Variants in EYA1 observed in about 807,000 individuals in gnomAD.
The protein encoded by EYA1 is protein phosphatase EYA1.
Under a neutral mutation model 82.0 loss-of-function variants are expected in EYA1, and 16 were observed. The ratio of observed to expected loss-of-function variants is 0.20; its 90% CI spans 0.13 to 0.30. EYA1 has a LOEUF of 0.30. Among genes scored for constraint, EYA1 ranks in the 10% least tolerant of loss-of-function variants. The probability of loss-of-function intolerance (pLI) is 1.00; values close to 1 mark genes in which losing one functional copy is unlikely to be tolerated. For missense variants in EYA1, 633 were observed against 730.7 expected (o/e 0.87, Z 1.54); for synonymous variants, 261 against 264.4 (o/e 0.99, Z 0.12).
intron 11 of EYA1, among the ~76,000 whole-genome samples, chr8:71,269,029 C>G (rs1372579015): frequency 1.3e-5 from 2 of 152,044 alleles, no homozygotes; most frequent in Non-Finnish European, 1.5e-5. Context: ...GAGAAATTAC[C>G]TATAGCTACT....
chr8:71,435,140 T>A (rs1682374240), intron 2 of EYA1, among the ~76,000 whole-genome samples: 3 of 152,160 alleles, frequency 2.0e-5, no homozygotes, highest in Admixed American at 2.0e-4. Context: ...CTGGGAAACC[T>A]TCTTAGATTT....
At chr8:71,510,644 T>C (rs1796273684) in intron 2 of EYA1, among the ~76,000 whole-genome samples, 1 of 152,198 alleles carries the variant, frequency 6.6e-6, no homozygotes, top group South Asian at 2.1e-4. Context: ...AAACCACTCA[T>C]ATGGTTCAAT....
chr8:71,277,904 T>C (rs1293171833), intron 9 of EYA1, among the ~76,000 whole-genome samples: 2 of 152,228 alleles, frequency 1.3e-5, no homozygotes, highest in African/African-American at 4.8e-5. Flanking sequence ...TTAATGTTTA[T>C]ATATTAAGTC....
intron 2 of EYA1, among the ~76,000 whole-genome samples, chr8:71,492,602 C>A (rs1811098023): frequency 6.6e-6 from 1 of 151,816 alleles, no homozygotes; most frequent in Non-Finnish European, 1.5e-5. Context: ...GTAGCTCGGA[C>A]TACAGGCGCC....
At chr8:71,400,307 G>C (rs112927610) in intron 2 of EYA1, among the ~76,000 whole-genome samples, 1 of 152,078 alleles carries the variant, frequency 6.6e-6, no homozygotes, top group Admixed American at 6.6e-5. Context: ...AAATCTAATT[G>C]AACTAAAGAG....
chr8:71,374,730 A>G (rs1463849646), intron 2 of EYA1, among the ~76,000 whole-genome samples: 1 of 152,208 alleles, frequency 6.6e-6, no homozygotes, highest in Non-Finnish European at 1.5e-5. Context: ...CTTTATTCAC[A>G]ATAGCCAAGC....
At chr8:71,318,467 G>C (rs1822169089) in intron 6 of EYA1, among the ~76,000 whole-genome samples, 1 of 152,110 alleles carries the variant, frequency 6.6e-6, no homozygotes, top group African/African-American at 2.4e-5. Context: ...TAAAAATGAT[G>C]TATCTGTGGC....
At chr8:71,268,718 A>C (rs1024173950) in intron 11 of EYA1, among the ~76,000 whole-genome samples, 1 of 152,228 alleles carries the variant, frequency 6.6e-6, no homozygotes, top group African/African-American at 2.4e-5. Context: ...CTTTGAGATG[A>C]TGAAAAGGAA....
At position 71,251,337 on chromosome 8, in the gene EYA1, T is replaced by C. The variant is rs1586004865; in HGVS notation, c.1051-6645A>G. Reference sequence around the variant, plus strand: ...GAAGAAATTGTACATTTACTATAGTTCTTATGTACAGGAAATTCTTCTAGT... The same window carrying C: ...GAAGAAATTGTACATTTACTATAGTCCTTATGTACAGGAAATTCTTCTAGT... On this transcript the variant is annotated intron_variant, in intron 11 of 17. Coordinates refer to ENST00000340726, the MANE Select transcript of EYA1 (RefSeq NM_000503.6). Among the ~76,000 whole-genome samples the C allele has an allele frequency of 2.6e-5, 4 of 152,352 alleles. No homozygotes were observed. The South Asian group carries it at 6.2e-4, about 24-fold the overall frequency.
At chr8:71,279,903 T>A (rs1384377778) in intron 9 of EYA1, among the ~76,000 whole-genome samples, 1 of 152,218 alleles carries the variant, frequency 6.6e-6, no homozygotes, top group Non-Finnish European at 1.5e-5. Flanking sequence ...AAATTTTTCC[T>A]GTCAAGAGTC....
chr8:71,227,567 T>C (rs868070269), intron 12 of EYA1, among the ~76,000 whole-genome samples: 2 of 152,208 alleles, frequency 1.3e-5, no homozygotes, highest in Non-Finnish European at 2.9e-5. Flanking sequence ...CGCATACCAA[T>C]TTATTCACAA....
chr8:71,344,401 T>C (rs1490764345), intron 3 of EYA1, among the ~76,000 whole-genome samples: 1 of 152,218 alleles, frequency 6.6e-6, no homozygotes, highest in Non-Finnish European at 1.5e-5. Flanking sequence ...CTGTAGTTTA[T>C]ATTTATTGAG....
chr8:71,254,148 A>G (rs1327540738), intron 11 of EYA1, among the ~76,000 whole-genome samples: 1 of 150,136 alleles, frequency 6.7e-6, no homozygotes, highest in Non-Finnish European at 1.5e-5. Flanking sequence ...ACATTCTGTA[A>G]TGGACTGCTG....
rs778091745 is a variant in EYA1 at position 71,269,758 on chromosome 8, G to A, written c.1032C>T (p.Tyr344=). 3.1e-5 allele frequency: 50 copies of A among 1,613,478 alleles called. No homozygotes were observed. In the African/African-American group the frequency reaches 3.5e-4, roughly 11 times the overall value. ...TACTCACCCTCCCATATCTGTTGGC[G>A]TAGGACCCAGTAAGCAAGGAGTGGA... The part of the protein sequence containing the change: ...IVFHSLLTGS[Y]ANRYGRDPPT... The change falls in exon 11 of 18, where the codon TAC becomes TAT. Residue 344 remains tyrosine, a synonymous_variant. Coordinates refer to ENST00000340726, the MANE Select transcript of EYA1 (RefSeq NM_000503.6).
chr8:71,493,523 G>T (rs1251384323), intron 2 of EYA1, among the ~76,000 whole-genome samples: 2 of 152,120 alleles, frequency 1.3e-5, no homozygotes, highest in Non-Finnish European at 2.9e-5. Flanking sequence ...AAAGACCAGG[G>T]AGAATTAATT....
chr8:71,354,976 A>G (rs1439781577), intron 2 of EYA1, 67 bp from the exon 3 acceptor site: 1 of 1,477,944 alleles, frequency 6.8e-7, no homozygotes, highest in South Asian at 1.1e-5. Context: ...TAATGCGCTA[A>G]TGACTTGACA....
intron 2 of EYA1, among the ~76,000 whole-genome samples, chr8:71,494,823 T>G (rs1348714898): frequency 6.6e-6 from 1 of 152,112 alleles, no homozygotes; most frequent in Non-Finnish European, 1.5e-5. Flanking sequence ...GAGAAACATA[T>G]TTGTGAATAT....
chr8:71,463,614 TC>T (rs1808549887), intron 2 of EYA1, among the ~76,000 whole-genome samples: 22 of 125,080 alleles, frequency 1.8e-4, no homozygotes, highest in African/African-American at 8.8e-4. Context: ...TCTCTCTCTC[TC>T]TCTCTCTCTC....
At chr8:71,518,795 G>A (rs1685412718) in intron 2 of EYA1, among the ~76,000 whole-genome samples, 1 of 152,102 alleles carries the variant, frequency 6.6e-6, no homozygotes, top group Non-Finnish European at 1.5e-5. Flanking sequence ...AAGAAACGGG[G>A]TTGACATGTT....
Sources: gnomAD v4.1 joint callset for allele counts (sites outside exome capture counted in the v4.1 genomes callset) on GRCh38, gnomAD v4.1.1 for gene constraint, MANE v1.5 for transcripts, NCBI Gene and HGNC (gene_info 2026-07-23, HGNC 2026-07-21) for gene names.